The following AAK1 variants were observed in gnomAD, a reference collection of about 807,000 sequenced individuals.
AAK1 encodes the protein AP2 associated kinase 1.
Under a neutral mutation model 116.0 loss-of-function variants are expected in AAK1, and 37 were observed. That is an observed-to-expected ratio of 0.32 (90% CI 0.25 to 0.42). AAK1 has a LOEUF of 0.42. Among genes scored for constraint, AAK1 ranks in the 10% least tolerant of loss-of-function variants. The pLI is 1.00. For missense variants in AAK1, 919 were observed against 1,170.6 expected (o/e 0.79, Z 3.14); for synonymous variants, 458 against 439.9 (o/e 1.04, Z -0.51).
At chr2:69,536,608 C>T (rs79851118) in intron 5 of AAK1, among the ~76,000 whole-genome samples, 1,526 of 152,214 alleles carry the variant, frequency 0.01, 21 homozygotes, top group African/African-American at 0.033. Flanking sequence ...CTTACAATCC[C>T]GAACCTTTCC....
intron 5 of AAK1, among the ~76,000 whole-genome samples, chr2:69,535,702 T>G (rs1446634641): frequency 3.3e-5 from 5 of 151,694 alleles, no homozygotes; most frequent in Admixed American, 2.6e-4. Flanking sequence ...ACAAAGGCCC[T>G]GAGATGGGAG....
In AAK1 at chr2:69,466,691, A is replaced by C; in HGVS notation, c.*9178T>G. On this transcript the variant is annotated 3_prime_UTR_variant, in exon 22 of 22. Transcript: ENST00000409085. ...TGCAACAGGAAAAACATAAAAATAAAAGTCAGGCAAGGAAACTGCACACAA... is the reference window on the plus strand; with the variant it reads ...TGCAACAGGAAAAACATAAAAATAACAGTCAGGCAAGGAAACTGCACACAA... The C allele has an allele frequency of 9.0e-7, 1 of 1,111,998 alleles. No individual in the cohort carries two copies. The highest frequency in any genetic ancestry group is 1.1e-6 in the Non-Finnish European group (1 of 902,880). The allele number at this position is 1,111,998 out of a possible 1,614,324, so 68.9% of individuals were successfully genotyped here.
rs767927549 is a variant in AAK1, at chr2:69,591,928, T to C, written c.164-34950A>G. Among the ~76,000 whole-genome samples, 10 of 152,300 alleles carry C rather than the reference T, an allele frequency of 6.6e-5. 1 individual carries two copies. The highest frequency in any genetic ancestry group is 1.3e-4 in the Admixed American group (2 of 15,304). On this transcript the variant is annotated intron_variant, in intron 2 of 21. Transcript: ENST00000409085. ...GTTTAATGGAGCTTAAATTGGAAAG[T>C]TGGAACAAGATGTCACCAAGGCATC...
intron 16 of AAK1, among the ~76,000 whole-genome samples, chr2:69,505,043 T>C (rs1051912503): frequency 2.0e-5 from 3 of 152,160 alleles, no homozygotes; most frequent in African/African-American, 7.2e-5. Flanking sequence ...CAAAGTCTCA[T>C]TTAAAAAAAC....
rs1674501681 is a variant in AAK1, at chr2:69,466,801, C to T, written c.*9068G>A. ...AAAGGAGATGAAGATGTTAGGCACACAGACATTCAGCGTAACTATGCAATG... is the reference window on the plus strand; with the variant it reads ...AAAGGAGATGAAGATGTTAGGCACATAGACATTCAGCGTAACTATGCAATG... On this transcript the variant is annotated 3_prime_UTR_variant, in exon 22 of 22. Coordinates refer to ENST00000409085, the MANE Select transcript of AAK1 (RefSeq NM_014911.5). The T allele has an allele frequency of 1.0e-6, 1 of 985,226 alleles. No individual in the cohort carries two copies. Among genetic ancestry groups the T allele is most frequent in the African/African-American group, 1.7e-5 (1 of 57,232 alleles). 61.0% of individuals were successfully genotyped at this position (985,226 alleles called of 1,614,324 possible). A position where few individuals can be genotyped will look rare whatever the true frequency, so the allele number is the denominator to read the frequency against.
intron 2 of AAK1, among the ~76,000 whole-genome samples, chr2:69,559,260 T>TCACA (rs1179622142): frequency 5.0e-4 from 59 of 117,086 alleles, no homozygotes; most frequent in Admixed American, 3.9e-3. Context: ...TCTCTCTCTC[T>TCACA]CTCACACACA....
chr2:69,605,593 C>A (rs971400195), intron 2 of AAK1, among the ~76,000 whole-genome samples: 8 of 152,120 alleles, frequency 5.3e-5, no homozygotes, highest in Non-Finnish European at 1.0e-4. Flanking sequence ...AATCCACAGA[C>A]CTTATTCACT....
chr2:69,584,935 C>T (rs1345349346), intron 2 of AAK1, among the ~76,000 whole-genome samples: 1 of 152,202 alleles, frequency 6.6e-6, no homozygotes, highest in East Asian at 1.9e-4. Flanking sequence ...CCAACAACTA[C>T]ACTGCCTTTC....
chr2:69,605,360 T>C (rs1266917988), intron 2 of AAK1, among the ~76,000 whole-genome samples: 1 of 152,248 alleles, frequency 6.6e-6, no homozygotes, highest in East Asian at 1.9e-4. Context: ...CATTTCACAA[T>C]GAAATCATGG....
chr2:69,482,721 A>G lies in AAK1; in HGVS notation c.2457T>C (p.Asp819=). The G allele has an allele frequency of 1.2e-6, 2 of 1,609,168 alleles. No homozygotes were observed. Among genetic ancestry groups the G allele is most frequent in the South Asian group, 2.2e-5 (2 of 90,966 alleles). The change falls in exon 18 of 22, where the codon GAT becomes GAC. Residue 819 remains aspartate (D), a synonymous_variant. Transcript: ENST00000409085. ...AGATGATGACTTTACCAATTACAGC[A>G]TCAGAAGTGCTACCAAAAGGATCTG... ...PMTDPFGSTS[D]AVIEKADVAV...
Position 69,472,854 on chromosome 2 carries a change from AT to A in AAK1, c.*3014del. On this transcript the variant is annotated 3_prime_UTR_variant, in exon 22 of 22. Coordinates refer to ENST00000409085, the MANE Select transcript of AAK1 (RefSeq NM_014911.5). ...GTGTGTCCACGCATGTGTTTCTGTA[AT>A]ACTTAAAAAGGAAAATCTCTAAGAT... The A allele has an allele frequency of 1.0e-6, 1 of 985,788 alleles. No homozygotes were observed. The highest frequency in any genetic ancestry group is 1.2e-6 in the Non-Finnish European group (1 of 829,886). 61.1% of individuals were successfully genotyped at this position (985,788 alleles called of 1,614,324 possible). A position where few individuals can be genotyped will look rare whatever the true frequency, so the allele number is the denominator to read the frequency against.
At position 69,505,648 on chromosome 2, in the gene AAK1, G is replaced by A; in HGVS notation, c.2190C>T (p.Gly730=). 1 of 1,613,642 alleles carries A rather than the reference G, an allele frequency of 6.2e-7. No homozygotes were observed. The highest frequency in any genetic ancestry group is 8.5e-7 in the Non-Finnish European group (1 of 1,179,724). ...AGCCTGGGATCAAACTCTCAGCTGA[G>A]CCTCCAAGCTTCTCGGGATGTTTGC... is the stretch of plus-strand genomic sequence containing the variant. ...GEGKHPEKLG[G]SAESLIPGFQ... Residue 730 remains glycine (G), a synonymous_variant, in exon 16 of 22, where the codon GGC becomes GGT. Coordinates refer to ENST00000409085, the MANE Select transcript of AAK1 (RefSeq NM_014911.5).
intron 17 of AAK1, among the ~76,000 whole-genome samples, chr2:69,489,163 A>G (rs1385678643): frequency 6.6e-6 from 1 of 151,248 alleles, no homozygotes; most frequent in Non-Finnish European, 1.5e-5. Flanking sequence ...TAAAATATCA[A>G]AAGAGAAGCC....
chr2:69,507,879 G>T (rs1484949868), intron 14 of AAK1, among the ~76,000 whole-genome samples: 5 of 152,022 alleles, frequency 3.3e-5, no homozygotes, highest in African/African-American at 1.2e-4. Flanking sequence ...GCTAATTTTT[G>T]TATTTTTAGT....
At chr2:69,601,063 A>C (rs1673555239) in intron 2 of AAK1, among the ~76,000 whole-genome samples, 1 of 152,240 alleles carries the variant, frequency 6.6e-6, no homozygotes, top group African/African-American at 2.4e-5. Context: ...GGCTTAAAAC[A>C]CTTAGTAGAC....
chr2:69,627,595 A>C (rs893518302), intron 2 of AAK1, among the ~76,000 whole-genome samples: 3 of 152,222 alleles, frequency 2.0e-5, no homozygotes, highest in African/African-American at 4.8e-5. Context: ...GATGAACAAG[A>C]ATCACTGTGA....
chr2:69,510,371 C>T (rs1338485436), intron 13 of AAK1, among the ~76,000 whole-genome samples: 1 of 152,208 alleles, frequency 6.6e-6, no homozygotes, highest in Non-Finnish European at 1.5e-5. Context: ...CTTGCAAAGC[C>T]TCCATCCTCC....
chr2:69,589,396 T>C (rs933876216), intron 2 of AAK1, among the ~76,000 whole-genome samples: 14 of 151,970 alleles, frequency 9.2e-5, no homozygotes, highest in Admixed American at 3.9e-4. Flanking sequence ...AGATGCAACA[T>C]TGTAACTCAA....
rs1675994975 is a variant in AAK1, at chr2:69,501,956, G to C, written c.2269+3613C>G. On this transcript the variant is annotated intron_variant, in intron 16 of 21. Coordinates refer to ENST00000409085, the MANE Select transcript of AAK1 (RefSeq NM_014911.5). Reference sequence around the variant, plus strand: ...ACTGCACTCCAGCCTAGGCAACAGAGCGAGACACCATCTCACACAAACAAA... The same window carrying C: ...ACTGCACTCCAGCCTAGGCAACAGACCGAGACACCATCTCACACAAACAAA... Among the ~76,000 whole-genome samples, 9 of 151,866 alleles carry C rather than the reference G, an allele frequency of 5.9e-5. No individual in the cohort carries two copies. The South Asian group carries it at 1.7e-3, about 28-fold the overall frequency.
Sources: gnomAD v4.1 joint callset for allele counts (sites outside exome capture counted in the v4.1 genomes callset) on GRCh38, gnomAD v4.1.1 for gene constraint, MANE v1.5 for transcripts, NCBI Gene and HGNC (gene_info 2026-07-23, HGNC 2026-07-21) for gene names.